The following PDE4D variants were observed in gnomAD, a reference collection of about 807,000 sequenced individuals.
PDE4D encodes phosphodiesterase 4D.
A neutral mutation model predicts 87.4 loss-of-function variants in PDE4D; 24 were observed. That is an observed-to-expected ratio of 0.27 (90% CI 0.20 to 0.39). The LOEUF is 0.39. Ranked by LOEUF, PDE4D falls within the 10% of genes least tolerant of loss-of-function variation. The pLI is 1.00. For synonymous variants in PDE4D, 384 were observed against 383.2 expected (o/e 1.00, Z -0.02); for missense variants, 714 against 1,041.0 (o/e 0.69, Z 4.32).
Position 59,216,474 on chromosome 5 carries a change from T to G in PDE4D, c.456-506A>C, listed in dbSNP as rs1243380375. On this transcript the variant is annotated intron_variant, in intron 1 of 14. Transcript: ENST00000340635. The stretch of plus-strand genomic sequence containing the variant: ...CCAATATTTTAAATTCAGGTCTCCA[T>G]CAAATTTCACCTATATTATTATAAC... 2.0e-5 allele frequency among the ~76,000 whole-genome samples: 3 copies of G among 152,194 alleles called. No individual in the cohort carries two copies. In the East Asian group the frequency reaches 5.8e-4, roughly 29 times the overall value.
intron 1 of PDE4D, among the ~76,000 whole-genome samples, chr5:60,450,407 CCCA>C (rs1469343073): frequency 2.0e-5 from 3 of 151,960 alleles, no homozygotes; most frequent in Admixed American, 1.3e-4. Flanking sequence ...TTAACCTATC[CCCA>C]GCCTAGTTTG....
At chr5:60,349,155 T>A (rs999437439) in intron 1 of PDE4D, among the ~76,000 whole-genome samples, 1 of 152,120 alleles carries the variant, frequency 6.6e-6, no homozygotes, top group Non-Finnish European at 1.5e-5. Context: ...CCAATTGCTG[T>A]TTTTCTCACA....
At chr5:60,484,833 C>CAGCACATTACAAAT (rs1561306372) in intron 1 of PDE4D, among the ~76,000 whole-genome samples, 2 of 152,232 alleles carry the variant, frequency 1.3e-5, no homozygotes. Context: ...TGTACATGTA[C>CAGCACATTACAAAT]AGCACATTAC....
At chr5:60,200,972 T>C (rs1233224544) in intron 1 of PDE4D, among the ~76,000 whole-genome samples, 1 of 152,144 alleles carries the variant, frequency 6.6e-6, no homozygotes, top group Non-Finnish European at 1.5e-5. Context: ...AAAAGTCATA[T>C]CTTTCTCAAA....
chr5:60,406,483 T>C (rs1256811124), intron 1 of PDE4D, among the ~76,000 whole-genome samples: 1 of 152,194 alleles, frequency 6.6e-6, no homozygotes, highest in African/African-American at 2.4e-5. Flanking sequence ...CCAGGGTTTC[T>C]AATACTGTCT....
intron 1 of PDE4D, among the ~76,000 whole-genome samples, chr5:60,424,912 A>ATGAG (rs1743544726): frequency 6.6e-6 from 1 of 152,250 alleles, no homozygotes; most frequent in Non-Finnish European, 1.5e-5. Flanking sequence ...GAGCCAAATC[A>ATGAG]TGAGTGAACT....
intron 1 of PDE4D, among the ~76,000 whole-genome samples, chr5:60,461,148 C>A (rs1337983853): frequency 6.6e-6 from 1 of 152,062 alleles, no homozygotes; most frequent in Non-Finnish European, 1.5e-5. Flanking sequence ...GGAGAAAATG[C>A]AGAAAATAAC....
intron 2 of PDE4D, among the ~76,000 whole-genome samples, chr5:59,202,698 T>C (rs1411278594): frequency 6.6e-6 from 1 of 152,132 alleles, no homozygotes; most frequent in East Asian, 1.9e-4. Context: ...TGAGATCTAA[T>C]TTTTTAAAAA....
intron 1 of PDE4D, among the ~76,000 whole-genome samples, chr5:59,751,462 G>T (rs966284936): frequency 6.6e-6 from 1 of 152,082 alleles, no homozygotes; most frequent in African/African-American, 2.4e-5. Context: ...CATACTTGTG[G>T]CTTAGCAAGC....
intron 1 of PDE4D, among the ~76,000 whole-genome samples, chr5:59,277,773 AC>A (rs1765094615): frequency 6.6e-6 from 1 of 152,028 alleles, no homozygotes; most frequent in Non-Finnish European, 1.5e-5. Context: ...GCCTGATGCT[AC>A]TCCCTTCTCT....
At chr5:59,940,146 T>C (rs1400899495) in intron 3 of PDE4D, among the ~76,000 whole-genome samples, 5 of 152,166 alleles carry the variant, frequency 3.3e-5, no homozygotes, top group African/African-American at 1.2e-4. Flanking sequence ...GTGAGGAGGC[T>C]GTGCTTTATC....
chr5:60,499,720 T>C (rs1265169496), intron 1 of PDE4D, among the ~76,000 whole-genome samples: 1 of 152,140 alleles, frequency 6.6e-6, no homozygotes, highest in Non-Finnish European at 1.5e-5. Context: ...AGCAACCCGA[T>C]TGGTCATTAA....
chr5:59,415,833 C>G (rs1353057526), intron 1 of PDE4D, among the ~76,000 whole-genome samples: 2 of 151,912 alleles, frequency 1.3e-5, no homozygotes, highest in African/African-American at 2.4e-5. Context: ...TAAATTTTAC[C>G]TATTTCTTTT....
chr5:58,998,257 T>C (rs76110088), intron 6 of PDE4D, among the ~76,000 whole-genome samples: 11,032 of 152,214 alleles, frequency 0.072, 457 homozygotes, highest in South Asian at 0.094. Flanking sequence ...TAAAATTCTA[T>C]ATGTAGATTC....
intron 5 of PDE4D, among the ~76,000 whole-genome samples, chr5:59,062,114 G>C (rs771555490): frequency 1.3e-5 from 2 of 152,056 alleles, no homozygotes; most frequent in African/African-American, 4.8e-5. Flanking sequence ...ACCTGGAATC[G>C]GCTGATCAGA....
intron 2 of PDE4D, among the ~76,000 whole-genome samples, chr5:60,049,194 C>T (rs1370050733): frequency 2.6e-5 from 4 of 152,244 alleles, no homozygotes; most frequent in East Asian, 1.9e-4. Context: ...ATGTAGTTCT[C>T]GAGCCTTGGT....
At chr5:59,112,042 G>C (rs1331816032) in intron 5 of PDE4D, among the ~76,000 whole-genome samples, 1 of 152,122 alleles carries the variant, frequency 6.6e-6, no homozygotes, top group East Asian at 1.9e-4. Context: ...ACATACAATA[G>C]AGCAGACATT....
chr5:59,197,270 C>A (rs1480871116), intron 2 of PDE4D, among the ~76,000 whole-genome samples: 1 of 152,092 alleles, frequency 6.6e-6, no homozygotes, highest in Non-Finnish European at 1.5e-5. Context: ...ATACACTTTA[C>A]AATATTTATG....
intron 1 of PDE4D, among the ~76,000 whole-genome samples, chr5:59,584,845 A>C (rs1824828294): frequency 6.6e-6 from 1 of 152,234 alleles, no homozygotes; most frequent in Non-Finnish European, 1.5e-5. Context: ...AACTCTGAAG[A>C]AAAGCCTAAG....
Sources: allele counts gnomAD v4.1 joint callset (sites outside exome capture counted in the v4.1 genomes callset), GRCh38; gene constraint gnomAD v4.1.1; transcripts MANE v1.5; gene names NCBI Gene and HGNC (gene_info 2026-07-23, HGNC 2026-07-21).